KAZN: variants seen among roughly 807,000 people sequenced by gnomAD.
KAZN encodes the protein kazrin, periplakin interacting protein.
A neutral mutation model predicts 87.4 loss-of-function variants in KAZN; 40 were observed. That is an observed-to-expected ratio of 0.46 (90% CI 0.36 to 0.60). The LOEUF is 0.60. Ranked by LOEUF, KAZN falls within the 20% of genes least tolerant of loss-of-function variation. KAZN has a pLI of 0.00. For missense variants in KAZN, 898 were observed against 1,073.9 expected, an observed-to-expected ratio of 0.84 and a Z score of 2.29; for synonymous variants, 466 against 458.3, an observed-to-expected ratio of 1.02 and a Z score of -0.22.
At chr1:14,298,998 G>C (rs1437573246) in intron 2 of KAZN, among the ~76,000 whole-genome samples, 1 of 152,178 alleles carries the variant, frequency 6.6e-6, no homozygotes, top group African/African-American at 2.4e-5. Flanking sequence ...GCCGTTAGGA[G>C]GTGGCAGGTG....
intron 2 of KAZN, among the ~76,000 whole-genome samples, chr1:14,368,638 C>T (rs1660209386): frequency 6.6e-6 from 1 of 152,170 alleles, no homozygotes; most frequent in Non-Finnish European, 1.5e-5. Context: ...CCTCCTCCCT[C>T]CTAAGCCTCT....
chr1:15,033,184 T>C (rs1422561033), intron 2 of KAZN, among the ~76,000 whole-genome samples: 1 of 152,240 alleles, frequency 6.6e-6, no homozygotes, highest in African/African-American at 2.4e-5. Flanking sequence ...GACTTGAGCA[T>C]CTGTGGATTT....
chr1:14,717,780 G>A (rs1642872822), intron 1 of KAZN, among the ~76,000 whole-genome samples: 1 of 152,194 alleles, frequency 6.6e-6, no homozygotes, highest in African/African-American at 2.4e-5. Flanking sequence ...AGGCCCAAGA[G>A]GGCAGTTTGT....
chr1:14,149,098 T>TC (rs1474825545), intron 1 of KAZN, among the ~76,000 whole-genome samples: 1 of 81,914 alleles, frequency 1.2e-5, no homozygotes, highest in African/African-American at 4.8e-5. Context: ...TTCCTTTCTT[T>TC]CTTTCCTTTT....
intron 3 of KAZN, among the ~76,000 whole-genome samples, chr1:15,040,082 C>T (rs537236260): frequency 6.6e-6 from 1 of 152,260 alleles, no homozygotes; most frequent in African/African-American, 2.4e-5. Context: ...GGGTCCAGCC[C>T]CATTTTACAG....
At chr1:15,027,581 A>G (rs933389256) in intron 2 of KAZN, among the ~76,000 whole-genome samples, 4 of 152,334 alleles carry the variant, frequency 2.6e-5, no homozygotes, top group Admixed American at 2.6e-4. Context: ...TTGGTTTGCC[A>G]GGCTTTCTGG....
intron 2 of KAZN, among the ~76,000 whole-genome samples, chr1:14,990,629 G>A (rs905412768): frequency 3.9e-5 from 6 of 152,094 alleles, no homozygotes; most frequent in Admixed American, 3.3e-4. Flanking sequence ...AGTCATTGCA[G>A]CAGAGACCAT....
At position 14,058,193 on chromosome 1, in the gene KAZN, A is replaced by G. The variant is rs112735247; in HGVS notation, c.92-122242A>G. 7.2e-3 allele frequency among the ~76,000 whole-genome samples: 1,097 copies of G among 152,204 alleles called. 11 individuals are homozygous for G. Among genetic ancestry groups the G allele is most frequent in the African/African-American group, 0.025 (1,048 of 41,516 alleles). On this transcript the variant is annotated intron_variant, in intron 1 of 16. Coordinates refer to the KAZN transcript ENST00000636203. Reference sequence around the variant, plus strand: ...ATCCCATAGGTCCAACTGAGAAGCAAGGGACCAATTCCCATGGCTCTAGGG... The same window carrying G: ...ATCCCATAGGTCCAACTGAGAAGCAGGGGACCAATTCCCATGGCTCTAGGG...
chr1:14,973,113 G>A (rs1665251646), intron 2 of KAZN, among the ~76,000 whole-genome samples: 1 of 152,070 alleles, frequency 6.6e-6, no homozygotes, highest in African/African-American at 2.4e-5. Flanking sequence ...CTCAGCATTT[G>A]GATTTGAAGC....
chr1:14,381,134 T>C (rs927728682), intron 2 of KAZN, among the ~76,000 whole-genome samples: 2 of 152,108 alleles, frequency 1.3e-5, no homozygotes, highest in African/African-American at 4.8e-5. Flanking sequence ...TGTGTGTATA[T>C]ATAGACAAAA....
chr1:14,258,356 C>A (rs1650730799), intron 2 of KAZN, among the ~76,000 whole-genome samples: 1 of 150,860 alleles, frequency 6.6e-6, no homozygotes, highest in Non-Finnish European at 1.5e-5. Context: ...GCTGGGACTA[C>A]AAGTGCCCGC....
intron 1 of KAZN, among the ~76,000 whole-genome samples, chr1:14,902,288 C>G (rs942605070): frequency 9.9e-5 from 15 of 151,002 alleles, no homozygotes; most frequent in Non-Finnish European, 4.4e-5. Context: ...TGCAGTGGCT[C>G]GATCTCGGCT....
At chr1:14,817,973 G>A (rs963443868) in intron 1 of KAZN, among the ~76,000 whole-genome samples, 5 of 152,178 alleles carry the variant, frequency 3.3e-5, no homozygotes, top group African/African-American at 1.2e-4. Flanking sequence ...CAGCGGTTTT[G>A]CTCATACACA....
At chr1:13,985,818 T>C (rs1429533396) in intron 1 of KAZN, among the ~76,000 whole-genome samples, 3 of 152,254 alleles carry the variant, frequency 2.0e-5, no homozygotes, top group Non-Finnish European at 2.9e-5. Flanking sequence ...CTTAGCATAA[T>C]GCTTTCAAGG....
At chr1:14,249,797 A>G (rs1169583416) in intron 2 of KAZN, among the ~76,000 whole-genome samples, 3 of 152,158 alleles carry the variant, frequency 2.0e-5, no homozygotes, top group African/African-American at 7.2e-5. Context: ...AACAGTGTCT[A>G]TGAATCCTGA....
chr1:14,265,876 C>G (rs1335097383), intron 2 of KAZN, among the ~76,000 whole-genome samples: 1 of 152,136 alleles, frequency 6.6e-6, no homozygotes, highest in African/African-American at 2.4e-5. Context: ...TCTCATTGAA[C>G]TAATTGGAGA....
intron 2 of KAZN, among the ~76,000 whole-genome samples, chr1:14,983,035 A>G (rs1233252410): frequency 6.6e-6 from 1 of 152,216 alleles, no homozygotes; most frequent in Non-Finnish European, 1.5e-5. Flanking sequence ...GTCCTTGATC[A>G]TGACAGCAAA....
chr1:14,520,342 A>G (rs968290437), intron 2 of KAZN, among the ~76,000 whole-genome samples: 1 of 152,098 alleles, frequency 6.6e-6, no homozygotes, highest in African/African-American at 2.4e-5. Context: ...AAGGGTGGGC[A>G]TGGGGTGCCA....
At chr1:15,104,785 T>C (rs963103063) in intron 13 of KAZN, among the ~76,000 whole-genome samples, 1 of 152,210 alleles carries the variant, frequency 6.6e-6, no homozygotes, top group Non-Finnish European at 1.5e-5. Context: ...GAATACTTCC[T>C]GTGTGAACTA....
Sources: allele counts gnomAD v4.1 joint callset (sites outside exome capture counted in the v4.1 genomes callset), GRCh38; gene constraint gnomAD v4.1.1; transcripts MANE v1.5; gene names NCBI Gene and HGNC (gene_info 2026-07-23, HGNC 2026-07-21).